The following SORCS2 variants were observed in gnomAD, a reference collection of about 807,000 sequenced individuals.
SORCS2 encodes the protein VPS10 domain-containing receptor SorCS2.
In SORCS2, 100 loss-of-function variants were observed where a neutral mutation model predicts 141.6. That is an observed-to-expected ratio of 0.71 (90% CI 0.60 to 0.83). The LOEUF (loss-of-function observed/expected upper bound fraction) is 0.83. Among genes scored for constraint, SORCS2 ranks in the 40% least tolerant of loss-of-function variants. The probability of loss-of-function intolerance (pLI) is 0.00; values close to 1 mark genes in which losing one functional copy is unlikely to be tolerated. For synonymous variants in SORCS2, 789 were observed against 676.9 expected, an observed-to-expected ratio of 1.17 and a Z score of -2.57; for missense variants, 1,646 against 1,560.2, an observed-to-expected ratio of 1.05 and a Z score of -0.93.
intron 1 of SORCS2, among the ~76,000 whole-genome samples, chr4:7,322,460 G>A (rs1396104977): frequency 1.3e-5 from 2 of 152,208 alleles, no homozygotes; most frequent in African/African-American, 2.4e-5. Context: ...ACCGCGTCCC[G>A]CTGCACGGGA....
intron 1 of SORCS2, among the ~76,000 whole-genome samples, chr4:7,377,440 C>A (rs1314458008): frequency 6.6e-6 from 1 of 152,204 alleles, no homozygotes; most frequent in South Asian, 2.1e-4. Context: ...ACGTTCCCAG[C>A]AGGCGCTCAA....
At position 7,448,663 on chromosome 4, in the gene SORCS2, T is replaced by A. The variant is rs28479609; in HGVS notation, c.548+52308T>A. ...TTGCCTGCCTTCCTGACTTCCTCCG[T>A]CCCTGCCTTCCTCCTTCCCTTCCTT... On this transcript the variant is annotated intron_variant, in intron 2 of 26. Transcript: ENST00000507866. Among the ~76,000 whole-genome samples, 245 of 141,928 alleles carry A rather than the reference T, an allele frequency of 1.7e-3. 3 individuals are homozygous for A. Among genetic ancestry groups the A allele is most frequent in the Admixed American group, 0.012 (170 of 14,350 alleles). The allele number at this position is 141,928 out of a possible 152,430, so 93.1% of individuals were successfully genotyped here. A position where few individuals can be genotyped will look rare whatever the true frequency, so the allele number is the denominator to read the frequency against.
chr4:7,694,578 C>T (rs889826565), intron 11 of SORCS2, among the ~76,000 whole-genome samples: 6 of 152,248 alleles, frequency 3.9e-5, no homozygotes, highest in African/African-American at 9.6e-5. Flanking sequence ...ACTCCCTGCC[C>T]GGCTCCGCCT....
chr4:7,429,056 G>T (rs1240736580), intron 2 of SORCS2, among the ~76,000 whole-genome samples: 4 of 152,170 alleles, frequency 2.6e-5, no homozygotes, highest in South Asian at 2.1e-4. Context: ...CGAGGAAAAT[G>T]AGGAAAGGAG....
intron 18 of SORCS2, among the ~76,000 whole-genome samples, chr4:7,723,188 G>A (rs752354244): frequency 1.8e-4 from 27 of 152,102 alleles, no homozygotes; most frequent in Non-Finnish European, 3.2e-4. Context: ...TCCTGGTACC[G>A]CATGGTCTGA....
At chr4:7,226,329 T>C (rs936129588) in intron 1 of SORCS2, among the ~76,000 whole-genome samples, 1 of 152,178 alleles carries the variant, frequency 6.6e-6, no homozygotes, top group African/African-American at 2.4e-5. Flanking sequence ...GATTGGAACC[T>C]GGGCCTGTCT....
chr4:7,601,724 A>T (rs1307845771), intron 3 of SORCS2, among the ~76,000 whole-genome samples: 25 of 139,566 alleles, frequency 1.8e-4, no homozygotes, highest in African/African-American at 6.8e-4. Flanking sequence ...GGAGAGGGGG[A>T]TTTGGCAGGG....
intron 10 of SORCS2, among the ~76,000 whole-genome samples, chr4:7,686,273 A>G (rs867300061): frequency 6.6e-6 from 1 of 152,184 alleles, no homozygotes; most frequent in Non-Finnish European, 1.5e-5. Flanking sequence ...TTCAGCATAA[A>G]ACTTCATTCA....
chr4:7,599,601 A>C (rs1239815203), intron 3 of SORCS2, among the ~76,000 whole-genome samples: 1 of 152,160 alleles, frequency 6.6e-6, no homozygotes, highest in Non-Finnish European at 1.5e-5. Flanking sequence ...TGCAAACTGC[A>C]CACGTGTCCC....
At chr4:7,232,487 A>T (rs1366844897) in intron 1 of SORCS2, among the ~76,000 whole-genome samples, 1 of 152,098 alleles carries the variant, frequency 6.6e-6, no homozygotes, top group African/African-American at 2.4e-5. Context: ...AGGATGGCGG[A>T]TTTATTCTTT....
intron 1 of SORCS2, among the ~76,000 whole-genome samples, chr4:7,366,332 C>T (rs919449920): frequency 7.2e-5 from 11 of 151,972 alleles, no homozygotes; most frequent in Middle Eastern, 3.2e-3. Context: ...GCGGTGAGTG[C>T]GTGGTGGCTG....
chr4:7,534,490 G>A (rs191661888), intron 3 of SORCS2, among the ~76,000 whole-genome samples: 15 of 152,358 alleles, frequency 9.8e-5, no homozygotes, highest in Middle Eastern at 6.8e-3. Flanking sequence ...CCCCTGGAAC[G>A]TGTGAATGTC....
intron 1 of SORCS2, among the ~76,000 whole-genome samples, chr4:7,272,855 C>A (rs1577344052): frequency 6.6e-6 from 1 of 152,394 alleles, no homozygotes; most frequent in African/African-American, 2.4e-5. Context: ...CCAGAGCATT[C>A]CTGCTCCAAC....
At chr4:7,654,971 C>T (rs570039186) in intron 5 of SORCS2, among the ~76,000 whole-genome samples, 21 of 152,114 alleles carry the variant, frequency 1.4e-4, no homozygotes, top group Non-Finnish European at 2.8e-4. Context: ...GGGGGGCACT[C>T]GGCTTTCCTT....
intron 18 of SORCS2, among the ~76,000 whole-genome samples, chr4:7,722,737 C>T (rs140177152): frequency 8.5e-5 from 13 of 152,300 alleles, no homozygotes; most frequent in African/African-American, 2.4e-4. Context: ...TCCCGGTAGA[C>T]GTGAATTTTG....
At chr4:7,478,233 A>G (rs1219755276) in intron 2 of SORCS2, among the ~76,000 whole-genome samples, 2 of 152,084 alleles carry the variant, frequency 1.3e-5, no homozygotes, top group Non-Finnish European at 2.9e-5. Context: ...CGCTGCAGGC[A>G]GGAGGAAGGT....
intron 1 of SORCS2, among the ~76,000 whole-genome samples, chr4:7,304,416 A>C (rs1717645450): frequency 6.6e-6 from 1 of 152,058 alleles, no homozygotes; most frequent in Admixed American, 6.5e-5. Flanking sequence ...GCATCTATTT[A>C]GCATCTCTTT....
intron 1 of SORCS2, among the ~76,000 whole-genome samples, chr4:7,311,455 T>A (rs1444295220): frequency 6.6e-6 from 1 of 152,222 alleles, no homozygotes; most frequent in Non-Finnish European, 1.5e-5. Context: ...GGCTGAATCA[T>A]CTCCGGGATA....
At chr4:7,228,881 G>A (rs1018508198) in intron 1 of SORCS2, among the ~76,000 whole-genome samples, 1 of 152,210 alleles carries the variant, frequency 6.6e-6, no homozygotes, top group Admixed American at 6.5e-5. Flanking sequence ...TCAGCAGCCG[G>A]GCTGGTGCCC....
Sources: gnomAD v4.1 joint callset for allele counts (sites outside exome capture counted in the v4.1 genomes callset) on GRCh38, gnomAD v4.1.1 for gene constraint, MANE v1.5 for transcripts, NCBI Gene and HGNC (gene_info 2026-07-23, HGNC 2026-07-21) for gene names.